The following RGPD8 variants were observed in gnomAD, a reference collection of about 807,000 sequenced individuals.
RGPD8 encodes RANBP2-like and GRIP domain-containing protein 8.
RGPD8 carries 15 observed loss-of-function variants against 89.1 expected under a neutral mutation model. The ratio of observed to expected loss-of-function variants is 0.17; its 90% confidence interval spans 0.11 to 0.26. The LOEUF (loss-of-function observed/expected upper bound fraction) is 0.26. Among genes scored for constraint, RGPD8 ranks in the 10% least tolerant of loss-of-function variants. The pLI is 1.00. For synonymous variants in RGPD8, 62 were observed against 420.9 expected, an observed-to-expected ratio of 0.15 and a Z score of 10.44; for missense variants, 178 against 1,179.6, an observed-to-expected ratio of 0.15 and a Z score of 12.44.
intron 7 of RGPD8, among the ~76,000 whole-genome samples, chr2:112,409,837 C>A (rs1159655791): frequency 7.1e-6 from 1 of 140,868 alleles, no homozygotes; most frequent in Non-Finnish European, 1.5e-5. Context: ...TTAGGCTGTG[C>A]GCAGCAGCTC....
intron 1 of RGPD8, among the ~76,000 whole-genome samples, chr2:112,431,994 A>G (rs1680062656): frequency 6.6e-6 from 1 of 152,226 alleles, no homozygotes; most frequent in African/African-American, 2.4e-5. Flanking sequence ...ATTTAGTGCT[A>G]TGTGTCAAGC....
At chr2:112,409,807 A>G (rs988787882) in intron 7 of RGPD8, among the ~76,000 whole-genome samples, 1 of 144,510 alleles carries the variant, frequency 6.9e-6, no homozygotes, top group African/African-American at 2.8e-5. Flanking sequence ...CTGCCTCCCA[A>G]AACTACATAT....
At chr2:112,402,473 G>A (rs2104794860) in intron 9 of RGPD8, among the ~76,000 whole-genome samples, 1 of 136,078 alleles carries the variant, frequency 7.3e-6, no homozygotes, top group East Asian at 2.1e-4. Flanking sequence ...CTGGGTGACA[G>A]AGCGAGACTC....
At position 112,433,470 on chromosome 2, in the gene RGPD8, C is replaced by T. The variant is rs1293488311; in HGVS notation, c.-17G>A. On this transcript the variant is annotated 5_prime_UTR_variant, in exon 1 of 23. Coordinates refer to ENST00000302558, the MANE Select transcript of RGPD8 (RefSeq NM_001164463.1). ...GCGCCTCATCGCGCCGCCAACCTGG[C>T]TCCCGAGACGCGTGCGAGCACCGCT... 1 of 1,605,660 alleles carries T rather than the reference C, an allele frequency of 6.2e-7. No homozygotes were observed. The highest frequency in any genetic ancestry group is 8.5e-7 in the Non-Finnish European group (1 of 1,177,322).
chr2:112,424,486 G>A (rs1437982789), intron 1 of RGPD8, among the ~76,000 whole-genome samples, 179 bp from the exon 2 acceptor site: 1 of 152,070 alleles, frequency 6.6e-6, no homozygotes, highest in East Asian at 1.9e-4. Flanking sequence ...TTGGGAGGCC[G>A]AAGTGGGCGG....
intron 7 of RGPD8, among the ~76,000 whole-genome samples, chr2:112,408,874 G>A (rs1679054741): frequency 6.6e-6 from 1 of 151,932 alleles, no homozygotes; most frequent in Non-Finnish European, 1.5e-5. Flanking sequence ...GTTTGACCAT[G>A]TTGGTCAGGA....
intron 1 of RGPD8, among the ~76,000 whole-genome samples, chr2:112,426,824 T>G (rs2104835987): frequency 7.0e-6 from 1 of 143,072 alleles, no homozygotes; most frequent in South Asian, 2.2e-4. Flanking sequence ...TGTTCCCCCC[T>G]TCCTTTTTTT....
At chr2:112,432,090 C>G (rs1680065592) in intron 1 of RGPD8, among the ~76,000 whole-genome samples, 1 of 152,130 alleles carries the variant, frequency 6.6e-6, no homozygotes, top group Non-Finnish European at 1.5e-5. Context: ...GTAAGTGGCC[C>G]CAAATACCCA....
rs572623209 is a variant in RGPD8, at chr2:112,390,100, G to T, written c.2845C>A (p.Gln949Lys). Reference sequence around the variant, plus strand: ...CCCTTCTTCCGGCCCCTAATATCCTGAGCCTGTAAGCCAGTATCATTTTCA... The same window carrying T: ...CCCTTCTTCCGGCCCCTAATATCCTTAGCCTGTAAGCCAGTATCATTTTCA... The part of the protein sequence containing the change: ...PLENDTGLQA[Q>K]DIRGRKKGRG... The change falls in exon 20 of 23, where the codon CAG becomes AAG. Residue 949 changes from glutamine (Q) to lysine (K), a missense_variant. Physicochemically the swap from Gln to Lys is moderately conservative, Grantham distance 53 (BLOSUM62 1). Transcript: ENST00000302558. 1 of 1,603,336 alleles carries T rather than the reference G, an allele frequency of 6.2e-7. No individual in the cohort carries two copies. Among genetic ancestry groups the T allele is most frequent in the Non-Finnish European group, 8.5e-7 (1 of 1,175,594 alleles).
intron 6 of RGPD8, among the ~76,000 whole-genome samples, chr2:112,413,106 C>T (rs1388324674): frequency 7.5e-6 from 1 of 133,698 alleles, no homozygotes; most frequent in Non-Finnish European, 1.5e-5. Context: ...ATCATTACAG[C>T]GTTAAATAAA....
intron 21 of RGPD8, among the ~76,000 whole-genome samples, chr2:112,379,457 T>C (rs1257940616): frequency 4.1e-4 from 61 of 149,562 alleles, no homozygotes; most frequent in African/African-American, 1.5e-3. Context: ...TAGCCGGGCA[T>C]GGTGGTGCAT....
chr2:112,411,356 C>T (rs1380507311), intron 7 of RGPD8, among the ~76,000 whole-genome samples: 1 of 144,538 alleles, frequency 6.9e-6, no homozygotes, highest in Non-Finnish European at 1.5e-5. Flanking sequence ...ATGACTAGGT[C>T]AGGAGATTGA....
intron 1 of RGPD8, among the ~76,000 whole-genome samples, chr2:112,431,940 A>G (rs923114042): frequency 3.3e-5 from 5 of 152,210 alleles, no homozygotes; most frequent in African/African-American, 1.2e-4. Flanking sequence ...GCGCCCGGCC[A>G]ATATCCTTTT....
intron 1 of RGPD8, among the ~76,000 whole-genome samples, chr2:112,429,722 G>A (rs1207484492): frequency 6.6e-6 from 1 of 152,152 alleles, no homozygotes; most frequent in Non-Finnish European, 1.5e-5. Flanking sequence ...ATCAGCTGCA[G>A]AATAAGAAAT....
chr2:112,410,497 G>C (rs1207059432), intron 7 of RGPD8, among the ~76,000 whole-genome samples: 2 of 151,798 alleles, frequency 1.3e-5, no homozygotes, highest in African/African-American at 4.9e-5. Context: ...AGATTTACAG[G>C]CCGGGCTCAA....
rs1235506579 is a variant in RGPD8, at chr2:112,422,483, T to C, written c.252+65A>G. On this transcript the variant is annotated intron_variant, in intron 3 of 22. Coordinates refer to ENST00000302558, the MANE Select transcript of RGPD8 (RefSeq NM_001164463.1). ...TTATAAAATATATTTGACTTACTTA[T>C]ATAAATTTCTCTGGGCATCATGTGT... 6 of 1,583,950 alleles carry C rather than the reference T, an allele frequency of 3.8e-6. No individual in the cohort carries two copies. The African/African-American group carries it at 4.1e-5, about 11-fold the overall frequency.
At chr2:112,414,092 G>A (rs930358218) in intron 6 of RGPD8, among the ~76,000 whole-genome samples, 3 of 147,624 alleles carry the variant, frequency 2.0e-5, no homozygotes, top group Non-Finnish European at 3.0e-5. Flanking sequence ...TCTATTAAGC[G>A]AGACATTAAA....
rs1390263153 is a variant in RGPD8, at chr2:112,413,155, C to T, written c.783-529G>A. ...TTTTTTTTTGAGACGGAGTCTCTCA[C>T]TACCGCCTGGGCTGGAGTGCAATGG... is the stretch of plus-strand genomic sequence containing the variant. On this transcript the variant is annotated intron_variant, in intron 6 of 22. Coordinates refer to ENST00000302558, the MANE Select transcript of RGPD8 (RefSeq NM_001164463.1). Among the ~76,000 whole-genome samples the T allele has an allele frequency of 1.3e-4, 19 of 145,766 alleles. No individual in the cohort carries two copies. In the South Asian group the frequency reaches 3.8e-3, roughly 29 times the overall value.
At chr2:112,428,804 T>C (rs1383978552) in intron 1 of RGPD8, among the ~76,000 whole-genome samples, 20 of 152,224 alleles carry the variant, frequency 1.3e-4, no homozygotes, top group African/African-American at 4.6e-4. Flanking sequence ...AAGCAAGTAG[T>C]AACACAACAT....
Sources: allele counts gnomAD v4.1 joint callset (sites outside exome capture counted in the v4.1 genomes callset), GRCh38; gene constraint gnomAD v4.1.1; transcripts MANE v1.5; gene names NCBI Gene and HGNC (gene_info 2026-07-23, HGNC 2026-07-21).